Variants in SV2B observed in about 807,000 individuals in gnomAD.
SV2B encodes the protein synaptic vesicle glycoprotein 2B, also known as solute carrier family 22 member B2.
In SV2B, 41 loss-of-function variants were observed where a neutral mutation model predicts 73.9. That is an observed-to-expected ratio of 0.56 (90% CI 0.43 to 0.72). The LOEUF is 0.72. Among genes scored for constraint, SV2B ranks in the 30% least tolerant of loss-of-function variants. The pLI is 0.00. For synonymous variants in SV2B, 314 were observed against 314.2 expected (o/e 1.00, Z 0.01); for missense variants, 764 against 857.8 (o/e 0.89, Z 1.37).
At chr15:91,272,828 CTTTT>C (rs869274294) in intron 9 of SV2B, among the ~76,000 whole-genome samples, 8,239 of 92,636 alleles carry the variant, frequency 0.089, 291 homozygotes, top group Middle Eastern at 0.15. Flanking sequence ...GCATATTCGT[CTTTT>C]TTTTTTTTTT....
At chr15:91,235,726 C>T (rs1311671528) in intron 2 of SV2B, among the ~76,000 whole-genome samples, 1 of 152,202 alleles carries the variant, frequency 6.6e-6, no homozygotes, top group Non-Finnish European at 1.5e-5. Context: ...TACTACCAGT[C>T]TCAAAAGCAC....
intron 1 of SV2B, among the ~76,000 whole-genome samples, chr15:91,145,908 A>G (rs1487492009): frequency 1.3e-5 from 2 of 152,178 alleles, no homozygotes; most frequent in Admixed American, 1.3e-4. Context: ...ATAGTTTGCA[A>G]ACATTTTCTC....
At position 91,253,771 on chromosome 15, in the gene SV2B, T is replaced by A. The variant is rs1297307301; in HGVS notation, c.784+1251T>A. 1.3e-5 allele frequency among the ~76,000 whole-genome samples: 2 copies of A among 152,230 alleles called. No homozygotes were observed. Among genetic ancestry groups the A allele is most frequent in the African/African-American group, 4.8e-5 (2 of 41,456 alleles). On this transcript the variant is annotated intron_variant, in intron 4 of 12. Transcript: ENST00000394232. This position sits in a 1 kb window ranked among gnomAD's most constrained non-coding sequence, Gnocchi z 5.0. ...AACACACTCACCATTTCCGCTCACA[T>A]TCCAGTGGCCCCCAATCTGTAACAT...
intron 1 of SV2B, among the ~76,000 whole-genome samples, chr15:91,114,183 C>CAA (rs11372573): frequency 0.014 from 802 of 55,952 alleles, 59 homozygotes; most frequent in African/African-American, 0.044. Flanking sequence ...GACTCCATCT[C>CAA]AAAAAAAAAA....
Position 91,226,476 on chromosome 15 carries a change from G to A in SV2B, c.213G>A (p.Met71Ile). The A allele has an allele frequency of 6.2e-7, 1 of 1,614,190 alleles. No individual in the cohort carries two copies. Among genetic ancestry groups the A allele is most frequent in the South Asian group, 1.1e-5 (1 of 91,084 alleles). ...AKQAKMAPSR[M>I]DSLRGQTDLM... The stretch of plus-strand genomic sequence containing the variant: ...AGGCCAAGATGGCGCCCTCCAGAAT[G>A]GACAGCCTTCGGGGCCAGACAGACC... The change falls in exon 2 of 13, where the codon ATG becomes ATA. Residue 71 changes from methionine to isoleucine, a missense_variant. Coordinates refer to ENST00000394232, the MANE Select transcript of SV2B (RefSeq NM_001323032.3).
chr15:91,248,138 G>A (rs1596682883), intron 2 of SV2B, among the ~76,000 whole-genome samples: 1 of 152,108 alleles, frequency 6.6e-6, no homozygotes, highest in Non-Finnish European at 1.5e-5. Flanking sequence ...TGGCTAACAC[G>A]GTGAAACCCC....
At chr15:91,160,738 G>A (rs2043684988) in intron 1 of SV2B, among the ~76,000 whole-genome samples, 1 of 152,132 alleles carries the variant, frequency 6.6e-6, no homozygotes, top group African/African-American at 2.4e-5. Flanking sequence ...AAGTTAATGT[G>A]TGATAAAAGT....
intron 11 of SV2B, among the ~76,000 whole-genome samples, chr15:91,285,943 C>T (rs2048846867): frequency 6.6e-6 from 1 of 152,212 alleles, no homozygotes; most frequent in Non-Finnish European, 1.5e-5. Context: ...TCCCTCACCA[C>T]TGAAGCCCTT....
At chr15:91,120,361 C>T (rs546635826) in intron 1 of SV2B, among the ~76,000 whole-genome samples, 25 of 152,272 alleles carry the variant, frequency 1.6e-4, no homozygotes, top group South Asian at 6.2e-4. Context: ...CACTCACTAT[C>T]GTGAAAACAG....
rs1338912420 is a variant in SV2B at position 91,239,875 on chromosome 15, T to C, written c.452-11944T>C. ...TTTACTTTCCATGGTGGTCACAAGATAGCCACCATAGCTCTAATCTAAGTC... is the reference window on the plus strand; with the variant it reads ...TTTACTTTCCATGGTGGTCACAAGACAGCCACCATAGCTCTAATCTAAGTC... On this transcript the variant is annotated intron_variant, in intron 2 of 12. Transcript: ENST00000394232. This position sits in a 1 kb window ranked among gnomAD's most constrained non-coding sequence, Gnocchi z 5.1. Among the ~76,000 whole-genome samples the C allele has an allele frequency of 6.6e-6, 1 of 152,208 alleles. No individual in the cohort carries two copies. The highest frequency in any genetic ancestry group is 2.4e-5 in the African/African-American group (1 of 41,450).
Position 91,110,953 on chromosome 15 carries a change from A to G in SV2B, c.-392+10590A>G, listed in dbSNP as rs1400551536. ...CTTAAGGCAAAGAAGAGAAACTCAAATGGGACAATGGAGAAGTAGATGAGA... is the reference window on the plus strand; with the variant it reads ...CTTAAGGCAAAGAAGAGAAACTCAAGTGGGACAATGGAGAAGTAGATGAGA... On this transcript the variant is annotated intron_variant, in intron 1 of 12. Coordinates refer to ENST00000394232, the MANE Select transcript of SV2B (RefSeq NM_001323032.3). The surrounding 1 kb of genome is among the most constrained non-coding windows in gnomAD (Gnocchi z 5.4). Among the ~76,000 whole-genome samples the G allele has an allele frequency of 2.0e-5, 3 of 152,238 alleles. No homozygotes were observed. The highest frequency in any genetic ancestry group is 4.4e-5 in the Non-Finnish European group (3 of 68,034).
At position 91,268,777 on chromosome 15, in the gene SV2B, G is replaced by A. The variant is rs1397352455; in HGVS notation, c.1373+172G>A. 6.6e-6 allele frequency among the ~76,000 whole-genome samples: 1 copy of A among 152,164 alleles called. No homozygotes were observed. The highest frequency in any genetic ancestry group is 2.4e-5 in the African/African-American group (1 of 41,434). ...CCAGTGACGCCATAGCTCCCCTAGTGGCTGTGTCTGTGTTGTGCTGGCTCC... is the reference window on the plus strand; with the variant it reads ...CCAGTGACGCCATAGCTCCCCTAGTAGCTGTGTCTGTGTTGTGCTGGCTCC... On this transcript the variant is annotated intron_variant, in intron 9 of 12. Transcript: ENST00000394232. The surrounding 1 kb of genome is among the most constrained non-coding windows in gnomAD (Gnocchi z 4.4).
intron 1 of SV2B, among the ~76,000 whole-genome samples, chr15:91,215,300 TTGAG>T (rs2045987844): frequency 6.6e-6 from 1 of 152,186 alleles, no homozygotes; most frequent in African/African-American, 2.4e-5. Flanking sequence ...GTTCTTGACT[TTGAG>T]TGAGCACAAA....
At chr15:91,108,503 A>T (rs1013662643) in intron 1 of SV2B, among the ~76,000 whole-genome samples, 1 of 152,250 alleles carries the variant, frequency 6.6e-6, no homozygotes, top group Non-Finnish European at 1.5e-5. Context: ...TTCCAGGCAC[A>T]TAGTAGGCAC....
chr15:91,261,805 T>C lies in SV2B; in HGVS notation c.1008+1396T>C, dbSNP rs1471870692. 6.6e-6 allele frequency among the ~76,000 whole-genome samples: 1 copy of C among 152,164 alleles called. No individual in the cohort carries two copies. The highest frequency in any genetic ancestry group is 1.5e-5 in the Non-Finnish European group (1 of 68,026). On this transcript the variant is annotated intron_variant, in intron 6 of 12. Coordinates refer to ENST00000394232, the MANE Select transcript of SV2B (RefSeq NM_001323032.3). This position sits in a 1 kb window ranked among gnomAD's most constrained non-coding sequence, Gnocchi z 4.7. ...AAACAAACAAAAAACCAAAACAAAA[T>C]GGTAAATGGTAATTTCTATGAAGAT... is the stretch of plus-strand genomic sequence containing the variant.
rs1024912206 is a variant in SV2B, at chr15:91,214,783, T to TG, written c.-391-11084dup. 4.6e-5 allele frequency among the ~76,000 whole-genome samples: 7 copies of TG among 152,178 alleles called. No individual in the cohort carries two copies. Among genetic ancestry groups the TG allele is most frequent in the African/African-American group, 1.7e-4 (7 of 41,440 alleles). On this transcript the variant is annotated intron_variant, in intron 1 of 12. Coordinates refer to ENST00000394232, the MANE Select transcript of SV2B (RefSeq NM_001323032.3). This position sits in a 1 kb window ranked among gnomAD's most constrained non-coding sequence, Gnocchi z 4.7. Reference sequence around the variant, plus strand: ...TATTTAAGTGTTCCCCAAACAGTTGTGGGGGGTGTGCTTGACTCCTTAGTC... The same window carrying TG: ...TATTTAAGTGTTCCCCAAACAGTTGTGGGGGGGTGTGCTTGACTCCTTAGTC...
At chr15:91,119,510 A>G (rs995716874) in intron 1 of SV2B, among the ~76,000 whole-genome samples, 1 of 152,212 alleles carries the variant, frequency 6.6e-6, no homozygotes, top group Non-Finnish European at 1.5e-5. Context: ...ACCCAAATCT[A>G]TTGCTGAAAT....
Position 91,232,037 on chromosome 15 carries a change from C to T in SV2B, c.451+5323C>T, listed in dbSNP as rs1333059244. 6.6e-6 allele frequency among the ~76,000 whole-genome samples: 1 copy of T among 152,168 alleles called. No homozygotes were observed. The highest frequency in any genetic ancestry group is 1.5e-5 in the Non-Finnish European group (1 of 68,036). On this transcript the variant is annotated intron_variant, in intron 2 of 12. Transcript: ENST00000394232. The surrounding 1 kb of genome is among the most constrained non-coding windows in gnomAD (Gnocchi z 4.7). ...TGATTGTTTTATATGCAAATTCTAGCCGAGCATCAGGGCATAATATTTGAT... is the reference window on the plus strand; with the variant it reads ...TGATTGTTTTATATGCAAATTCTAGTCGAGCATCAGGGCATAATATTTGAT...
intron 1 of SV2B, among the ~76,000 whole-genome samples, chr15:91,215,778 G>A (rs1009096036): frequency 1.3e-5 from 2 of 151,952 alleles, no homozygotes; most frequent in African/African-American, 4.8e-5. Flanking sequence ...CCCTTGTTAT[G>A]TGACGTATGG....
Sources: gnomAD v4.1 joint callset for allele counts (sites outside exome capture counted in the v4.1 genomes callset) on GRCh38, gnomAD v4.1.1 for gene constraint, Gnocchi (gnomAD v3.1) non-coding constraint, MANE v1.5 for transcripts, NCBI Gene and HGNC (gene_info 2026-07-23, HGNC 2026-07-21) for gene names.